The following CCDC149 variants were observed in gnomAD, a reference collection of about 807,000 sequenced individuals.
CCDC149 encodes the protein coiled-coil domain-containing protein 149.
Under a neutral mutation model 59.9 loss-of-function variants are expected in CCDC149, and 45 were observed. The observed-to-expected ratio is 0.75, with a 90% CI of 0.59 to 0.96. The LOEUF (loss-of-function observed/expected upper bound fraction) is 0.96, where lower values mean the gene tolerates loss of function less well. CCDC149 is among the 40% of genes least tolerant of loss of function. The pLI, the probability that CCDC149 is intolerant of heterozygous loss-of-function variation, is 0.00. For missense variants in CCDC149, 584 were observed against 664.7 expected (o/e 0.88, Z 1.33); for synonymous variants, 245 against 260.6 (o/e 0.94, Z 0.58).
downstream of CCDC149, among the ~76,000 whole-genome samples, chr4:24,804,754 T>G (rs184691372): frequency 1.2e-4 from 18 of 152,228 alleles, no homozygotes; most frequent in Middle Eastern, 0.01. Flanking sequence ...ATCAAAAAAT[T>G]TACTCCAACA....
intron 8 of CCDC149, among the ~76,000 whole-genome samples, chr4:24,833,420 T>G (rs1236794886): frequency 6.6e-6 from 1 of 152,108 alleles, no homozygotes; most frequent in Non-Finnish European, 1.5e-5. Flanking sequence ...GGTCAGGAGT[T>G]TGAGCTCAGC....
intron 1 of CCDC149, among the ~76,000 whole-genome samples, chr4:24,970,767 T>C (rs1723943318): frequency 6.6e-6 from 1 of 152,234 alleles, no homozygotes; most frequent in South Asian, 2.1e-4. Context: ...GGCACTGTTC[T>C]CCCCATGTTG....
chr4:24,825,726 T>A (rs556338781), intron 9 of CCDC149, among the ~76,000 whole-genome samples: 8 of 149,860 alleles, frequency 5.3e-5, no homozygotes, highest in South Asian at 4.2e-4. Flanking sequence ...TGAGCCGAGA[T>A]AGCGCCACTG....
chr4:24,909,672 T>C (rs1721757372), intron 1 of CCDC149, among the ~76,000 whole-genome samples: 1 of 152,192 alleles, frequency 6.6e-6, no homozygotes, highest in Non-Finnish European at 1.5e-5. Flanking sequence ...TGGGAGATAA[T>C]TGAATCATGG....
At chr4:24,948,378 T>C (rs1723184465) in intron 1 of CCDC149, among the ~76,000 whole-genome samples, 1 of 152,228 alleles carries the variant, frequency 6.6e-6, no homozygotes, top group African/African-American at 2.4e-5. Flanking sequence ...TATCTTTGTC[T>C]TTTTAATAGT....
chr4:24,841,860 C>A (rs1716959778), intron 4 of CCDC149, among the ~76,000 whole-genome samples: 1 of 151,912 alleles, frequency 6.6e-6, no homozygotes, highest in Non-Finnish European at 1.5e-5. Context: ...CAGGGGAGTT[C>A]AAATAGTCAT....
intron 1 of CCDC149, among the ~76,000 whole-genome samples, chr4:24,885,243 T>C (rs909594817): frequency 2.0e-5 from 3 of 152,160 alleles, no homozygotes; most frequent in Non-Finnish European, 4.4e-5. Context: ...GGGAGTGTCA[T>C]TAAGAATCAT....
chr4:24,811,167 C>T (rs1347655632), intron 12 of CCDC149, among the ~76,000 whole-genome samples: 4 of 152,166 alleles, frequency 2.6e-5, no homozygotes, highest in Non-Finnish European at 4.4e-5. Context: ...CTTTTCTGTG[C>T]TATTTATATT....
rs565976622 is a variant in CCDC149 at position 24,839,065 on chromosome 4, G to C, written c.373-793C>G. ...ACACACACACACACACACACACAGA[G>C]AGAGAGAGAGAAAGAGAGAGAGAGA... On this transcript the variant is annotated intron_variant, in intron 4 of 12. Transcript: ENST00000635206. Among the ~76,000 whole-genome samples the C allele has an allele frequency of 3.9e-3, 566 of 146,352 alleles. 1 individual carries two copies. Among genetic ancestry groups the C allele is most frequent in the African/African-American group, 8.4e-3 (313 of 37,346 alleles).
chr4:24,841,757 T>C (rs1375051202), intron 4 of CCDC149, among the ~76,000 whole-genome samples: 4 of 152,250 alleles, frequency 2.6e-5, no homozygotes, highest in East Asian at 1.9e-4. Context: ...TCTGAACTTC[T>C]TGGAGTCTCA....
intron 1 of CCDC149, among the ~76,000 whole-genome samples, chr4:24,922,040 G>A (rs73807069): frequency 9.6e-4 from 146 of 152,206 alleles, no homozygotes; most frequent in African/African-American, 3.4e-3. Flanking sequence ...AGATGCTTTC[G>A]GTCTGTGTCT....
intron 9 of CCDC149, chr4:24,828,133 C>G (rs1330729965): frequency 6.6e-6 from 1 of 151,964 alleles, no homozygotes; most frequent in Non-Finnish European, 1.5e-5. Flanking sequence ...AGAGGACCCC[C>G]TAAGTATTAA....
intron 1 of CCDC149, among the ~76,000 whole-genome samples, chr4:24,899,349 C>T (rs1029940976): frequency 3.3e-5 from 5 of 152,102 alleles, no homozygotes; most frequent in Non-Finnish European, 7.3e-5. Context: ...AAAGTGTATA[C>T]AGAAGGAGCA....
At chr4:24,839,931 T>C (rs1381160029) in intron 4 of CCDC149, among the ~76,000 whole-genome samples, 1 of 151,992 alleles carries the variant, frequency 6.6e-6, no homozygotes, top group East Asian at 1.9e-4. Flanking sequence ...CAGCCAGGAG[T>C]GCCCGTGGGG....
intron 1 of CCDC149, among the ~76,000 whole-genome samples, chr4:24,973,188 A>G (rs1055484913): frequency 6.6e-6 from 1 of 152,150 alleles, no homozygotes; most frequent in Non-Finnish European, 1.5e-5. Flanking sequence ...TATACCTCAC[A>G]TGTATTGACT....
At chr4:24,901,793 C>T (rs1489577678) in intron 1 of CCDC149, among the ~76,000 whole-genome samples, 1 of 152,182 alleles carries the variant, frequency 6.6e-6, no homozygotes, top group Non-Finnish European at 1.5e-5. Context: ...TACCACCACC[C>T]TCCAGCCATG....
intron 1 of CCDC149, among the ~76,000 whole-genome samples, chr4:24,911,971 T>A (rs893066482): frequency 6.6e-6 from 1 of 152,178 alleles, no homozygotes; most frequent in African/African-American, 2.4e-5. Context: ...CATGGGTAAG[T>A]AACACCAGGA....
rs1005196616 is a variant in CCDC149 at position 24,821,171 on chromosome 4, T to C, written c.1043-84A>G. On this transcript the variant is annotated intron_variant, in intron 10 of 12. Transcript: ENST00000635206. ...GTTGCACCTAGACCAAACAAAACCATAGAAAATTCTCGGCATTTGTTCACT... is the reference window on the plus strand; with the variant it reads ...GTTGCACCTAGACCAAACAAAACCACAGAAAATTCTCGGCATTTGTTCACT... 6 of 710,150 alleles carry C rather than the reference T, an allele frequency of 8.4e-6. No individual in the cohort carries two copies. The African/African-American group carries it at 9.2e-5, about 11-fold the overall frequency. The allele number at this position is 710,150 out of a possible 1,614,324, so 44.0% of individuals were successfully genotyped here. A position where few individuals can be genotyped will look rare whatever the true frequency, so the allele number is the denominator to read the frequency against.
rs1353321418 is a variant in CCDC149 at position 24,941,253 on chromosome 4, T to C, written c.-65+38816A>G. On this transcript the variant is annotated intron_variant, in intron 1 of 12. Transcript: ENST00000389609. ...CAGGATTAAGAAACTCACTCAAAAC[T>C]GCTCAACTACATGGAAACTGAACAA... 2.4e-4 allele frequency among the ~76,000 whole-genome samples: 36 copies of C among 152,158 alleles called. No individual in the cohort carries two copies. In the South Asian group the frequency reaches 7.1e-3, roughly 30 times the overall value.
Sources: gnomAD v4.1 joint callset for allele counts (sites outside exome capture counted in the v4.1 genomes callset) on GRCh38, gnomAD v4.1.1 for gene constraint, MANE v1.5 for transcripts, NCBI Gene and HGNC (gene_info 2026-07-23, HGNC 2026-07-21) for gene names.